The following SLC4A10 variants were observed in gnomAD, a reference collection of about 807,000 sequenced individuals.
SLC4A10 encodes solute carrier family 4 member 10, also known as sodium-driven chloride bicarbonate exchanger.
Under a neutral mutation model 137.7 loss-of-function variants are expected in SLC4A10, and 42 were observed. The ratio of observed to expected loss-of-function variants is 0.30; its 90% CI spans 0.24 to 0.39. The LOEUF is 0.39. Among genes scored for constraint, SLC4A10 ranks in the 10% least tolerant of loss-of-function variants. The pLI is 1.00. For missense variants in SLC4A10, 925 were observed against 1,355.0 expected (o/e 0.68, Z 4.98); for synonymous variants, 474 against 464.1 (o/e 1.02, Z -0.27).
Position 161,836,530 on chromosome 2 carries a change from G to A in SLC4A10, c.278-3259G>A, listed in dbSNP as rs1357333999. On this transcript the variant is annotated intron_variant, in intron 3 of 26. Coordinates refer to ENST00000446997, the MANE Select transcript of SLC4A10 (RefSeq NM_001178015.2). ...AAAGAAAGAAAGAAAGAGAGAGAGA[G>A]AGAAAGAAAGAAAGAAAGAAAGAAA... 2.5e-5 allele frequency among the ~76,000 whole-genome samples: 2 copies of A among 79,220 alleles called. 1 individual carries two copies. The highest frequency in any genetic ancestry group is 4.8e-5 in the Non-Finnish European group (2 of 41,850). 52.0% of individuals were successfully genotyped at this position (79,220 alleles called of 152,430 possible). A position where few individuals can be genotyped will look rare whatever the true frequency, so the allele number is the denominator to read the frequency against.
chr2:161,659,981 G>A (rs1216999881), intron 1 of SLC4A10, among the ~76,000 whole-genome samples: 1 of 151,866 alleles, frequency 6.6e-6, no homozygotes, highest in Non-Finnish European at 1.5e-5. Context: ...GTAGATTAGT[G>A]GTTGCCTGGG....
chr2:161,799,829 G>A (rs990800695), intron 2 of SLC4A10, among the ~76,000 whole-genome samples: 2 of 151,820 alleles, frequency 1.3e-5, no homozygotes, highest in Non-Finnish European at 2.9e-5. Flanking sequence ...TGGAAAGAAG[G>A]CACACAGTTA....
chr2:161,945,512 A>G (rs186851555), intron 16 of SLC4A10, among the ~76,000 whole-genome samples: 2 of 151,610 alleles, frequency 1.3e-5, no homozygotes, highest in Admixed American at 1.3e-4. Flanking sequence ...TGTAACTGAA[A>G]CCATATGTTA....
intron 23 of SLC4A10, among the ~76,000 whole-genome samples, chr2:161,966,722 C>T (rs1172237327): frequency 2.2e-5 from 3 of 135,732 alleles, no homozygotes; most frequent in South Asian, 2.5e-4. Context: ...GGTGACAGAG[C>T]GAGACTCCGT....
chr2:161,647,786 A>G (rs796216244), intron 1 of SLC4A10, among the ~76,000 whole-genome samples: 5 of 152,320 alleles, frequency 3.3e-5, no homozygotes, highest in African/African-American at 7.2e-5. Flanking sequence ...TTCTAGTTCT[A>G]TATTTTATAC....
chr2:161,779,983 T>C (rs966763690), intron 2 of SLC4A10, among the ~76,000 whole-genome samples: 3 of 152,052 alleles, frequency 2.0e-5, no homozygotes, highest in Non-Finnish European at 4.4e-5. Flanking sequence ...AGAATATATG[T>C]GGCTCCATCT....
intron 9 of SLC4A10, among the ~76,000 whole-genome samples, chr2:161,879,546 C>CT (rs71408189): frequency 0.37 from 45,634 of 124,930 alleles, 8,328 homozygotes; most frequent in Admixed American, 0.43. Context: ...CATATGAATC[C>CT]TTTTTTTTTT....
intron 2 of SLC4A10, among the ~76,000 whole-genome samples, chr2:161,780,959 G>T (rs1291048544): frequency 6.6e-6 from 1 of 151,966 alleles, no homozygotes; most frequent in Non-Finnish European, 1.5e-5. Flanking sequence ...CCCTGAATGT[G>T]AACTTATCAG....
At position 161,958,436 on chromosome 2, in the gene SLC4A10, A is replaced by G. The variant is rs1214923775; in HGVS notation, c.2794-51A>G. On this transcript the variant is annotated intron_variant, in intron 20 of 26. Transcript: ENST00000446997. ...TTTTTTCTTTGATAAATGCAAAACC[A>G]CAATCTATTTGAAAATGATTTCTGC... 6.0e-6 allele frequency: 9 copies of G among 1,503,426 alleles called. No individual in the cohort carries two copies. In the African/African-American group the frequency reaches 9.7e-5, roughly 16 times the overall value. The allele number at this position is 1,503,426 out of a possible 1,614,324, so 93.1% of individuals were successfully genotyped here.
chr2:161,814,939 T>C (rs575265626), intron 3 of SLC4A10, among the ~76,000 whole-genome samples: 5 of 152,190 alleles, frequency 3.3e-5, no homozygotes, highest in Admixed American at 3.3e-4. Flanking sequence ...TAGAAATTAT[T>C]TTTAAAACTT....
At chr2:161,960,341 G>C (rs1451938395) in intron 21 of SLC4A10, among the ~76,000 whole-genome samples, 3 of 137,218 alleles carry the variant, frequency 2.2e-5, no homozygotes, top group African/African-American at 8.4e-5. Flanking sequence ...TCCAGCCTGG[G>C]AGGCAGAAAG....
rs888065723 is a variant in SLC4A10, at chr2:161,918,225, A to G, written c.1997+12338A>G. Among the ~76,000 whole-genome samples, 15 of 152,078 alleles carry G rather than the reference A, an allele frequency of 9.9e-5. 1 individual carries two copies. The highest frequency in any genetic ancestry group is 3.6e-4 in the African/African-American group (15 of 41,422). On this transcript the variant is annotated intron_variant, in intron 15 of 26. Coordinates refer to ENST00000446997, the MANE Select transcript of SLC4A10 (RefSeq NM_001178015.2). Reference sequence around the variant, plus strand: ...GGCTGGCGTGCAGCGGTGCAATCTCAGCTCACTGCAACCTCCACCTCCTGG... The same window carrying G: ...GGCTGGCGTGCAGCGGTGCAATCTCGGCTCACTGCAACCTCCACCTCCTGG...
intron 16 of SLC4A10, 40 bp from the exon 17 acceptor site, chr2:161,947,524 GTT>G: frequency 6.3e-7 from 1 of 1,587,086 alleles, no homozygotes; most frequent in Non-Finnish European, 8.6e-7. Context: ...AATGTGTCCG[GTT>G]TTTTCTTAGT....
chr2:161,708,970 TG>T (rs1377856069), intron 1 of SLC4A10: 1 of 992,892 alleles, frequency 1.0e-6, no homozygotes, highest in African/African-American at 1.6e-5. Context: ...GTAAGATTTA[TG>T]GCAGCTAAAC....
chr2:161,667,177 T>C (rs1295458267), intron 1 of SLC4A10, among the ~76,000 whole-genome samples: 1 of 151,660 alleles, frequency 6.6e-6, no homozygotes, highest in Non-Finnish European at 1.5e-5. Flanking sequence ...CATCTGGGTT[T>C]GGGTTCTATT....
At chr2:161,950,585 C>G in intron 18 of SLC4A10, 102 bp from the exon 19 acceptor site, 1 of 1,062,422 alleles carries the variant, frequency 9.4e-7, no homozygotes, top group Non-Finnish European at 1.4e-6. Context: ...CTCAGCTCCT[C>G]TGTTTATAAT....
chr2:161,881,270 A>T (rs1352768311), intron 9 of SLC4A10, among the ~76,000 whole-genome samples: 1 of 152,026 alleles, frequency 6.6e-6, no homozygotes, highest in African/African-American at 2.4e-5. Context: ...AAATAGCAAG[A>T]TGTACATAGG....
chr2:161,710,013 A>G (rs1237555192), intron 1 of SLC4A10: 1 of 151,578 alleles, frequency 6.6e-6, no homozygotes, highest in African/African-American at 2.4e-5. Flanking sequence ...GTGAAATGAC[A>G]TAGATTAAAA....
intron 15 of SLC4A10, among the ~76,000 whole-genome samples, chr2:161,929,585 G>A (rs530493815): frequency 1.3e-5 from 2 of 152,238 alleles, no homozygotes; most frequent in East Asian, 3.9e-4. Context: ...CCCGATAGAT[G>A]ACAGATCTTC....
Sources: allele counts gnomAD v4.1 joint callset (sites outside exome capture counted in the v4.1 genomes callset), GRCh38; gene constraint gnomAD v4.1.1; transcripts MANE v1.5; gene names NCBI Gene and HGNC (gene_info 2026-07-23, HGNC 2026-07-21).